Variants in GDAP1 observed in about 807,000 individuals in gnomAD.
GDAP1 encodes ganglioside induced differentiation associated protein 1, also known as ganglioside-induced differentiation-associated protein 1.
Under a neutral mutation model 40.1 loss-of-function variants are expected in GDAP1, and 34 were observed. The ratio of observed to expected loss-of-function variants is 0.85; its 90% CI spans 0.64 to 1.13. The LOEUF is 1.13. GDAP1 is among the 50% of genes most tolerant of loss of function. The pLI, the probability that GDAP1 is intolerant of heterozygous loss-of-function variation, is 0.00. For synonymous variants in GDAP1, 170 were observed against 157.4 expected (o/e 1.08, Z -0.60); for missense variants, 374 against 433.7 (o/e 0.86, Z 1.22).
intron 2 of GDAP1, among the ~76,000 whole-genome samples, chr8:74,382,133 C>G (rs2131538315): frequency 6.6e-6 from 1 of 152,084 alleles, no homozygotes; most frequent in African/African-American, 2.4e-5. Context: ...AATCTGTTGC[C>G]TTTATTATTT....
chr8:74,398,611 A>G (rs1386017361), intron 2 of GDAP1, among the ~76,000 whole-genome samples: 1 of 152,230 alleles, frequency 6.6e-6, no homozygotes, highest in East Asian at 1.9e-4. Flanking sequence ...GAGAGAGGGC[A>G]TCCCTGTCTT....
intron 2 of GDAP1, among the ~76,000 whole-genome samples, chr8:74,428,525 G>T (rs1456987767): frequency 6.7e-6 from 1 of 148,742 alleles, no homozygotes; most frequent in Non-Finnish European, 1.5e-5. Context: ...GCAGAGCAGT[G>T]TCATGATCTC....
intron 2 of GDAP1, among the ~76,000 whole-genome samples, chr8:74,470,089 A>G (rs1209004185): frequency 6.6e-6 from 1 of 152,088 alleles, no homozygotes; most frequent in Non-Finnish European, 1.5e-5. Flanking sequence ...TTATATTGAT[A>G]TTACTCTGTT....
intron 2 of GDAP1, among the ~76,000 whole-genome samples, chr8:74,432,472 CCAACTTCCT>C (rs1443570996): frequency 6.6e-6 from 1 of 152,090 alleles, no homozygotes; most frequent in African/African-American, 2.4e-5. Context: ...TAAATAAAAC[CCAACTTCCT>C]CAGTTTGGTA....
chr8:74,443,588 C>T (rs1287018670), intron 2 of GDAP1, among the ~76,000 whole-genome samples: 2 of 152,126 alleles, frequency 1.3e-5, no homozygotes, highest in Non-Finnish European at 1.5e-5. Context: ...ATTGCTTGAG[C>T]TCTGGAGTTG....
At chr8:74,386,998 T>G (rs767478264) in intron 2 of GDAP1, among the ~76,000 whole-genome samples, 3 of 152,218 alleles carry the variant, frequency 2.0e-5, no homozygotes, top group Non-Finnish European at 2.9e-5. Flanking sequence ...TATTAGTGTA[T>G]AGGAATGCTT....
intron 2 of GDAP1, among the ~76,000 whole-genome samples, chr8:74,479,306 A>C (rs1806676722): frequency 6.6e-6 from 1 of 152,188 alleles, no homozygotes; most frequent in Non-Finnish European, 1.5e-5. Flanking sequence ...TTTAAGGCAG[A>C]TAGTTCAATA....
intron 2 of GDAP1, among the ~76,000 whole-genome samples, chr8:74,418,511 G>A (rs1805813673): frequency 6.6e-6 from 1 of 152,184 alleles, no homozygotes; most frequent in Non-Finnish European, 1.5e-5. Context: ...TAAATCTAAT[G>A]CTTTGAAAAA....
intron 2 of GDAP1, among the ~76,000 whole-genome samples, chr8:74,481,383 A>G (rs1806709211): frequency 6.6e-6 from 1 of 152,220 alleles, no homozygotes; most frequent in East Asian, 1.9e-4. Context: ...TAGTATATAG[A>G]CAATATATCA....
In GDAP1 at chr8:74,468,522, CACAT is replaced by C. The variant is rs1267519937; in HGVS notation, c.166-20155_166-20152del. ...ACACACACACACACACACACACACACACATGAATGTGTATATATACACACACACA... is the reference window on the plus strand; with the variant it reads ...ACACACACACACACACACACACACACGAATGTGTATATATACACACACACA... On this transcript the variant is annotated intron_variant, in intron 2 of 2. Coordinates refer to the GDAP1 transcript ENST00000523640. 1.7e-3 allele frequency among the ~76,000 whole-genome samples: 227 copies of C among 132,342 alleles called. 3 individuals carry two copies. The highest frequency in any genetic ancestry group is 0.012 in the Middle Eastern group (3 of 260). 86.8% of individuals were successfully genotyped at this position (132,342 alleles called of 152,430 possible).
At chr8:74,458,937 C>G (rs1437145568) in intron 2 of GDAP1, among the ~76,000 whole-genome samples, 1 of 152,210 alleles carries the variant, frequency 6.6e-6, no homozygotes, top group East Asian at 1.9e-4. Context: ...CCTCCAGACA[C>G]CCTGCTGATA....
chr8:74,363,909 T>G, intron 5 of GDAP1, 76 bp from the exon 6 acceptor site: 18 of 1,257,784 alleles, frequency 1.4e-5, no homozygotes, highest in Non-Finnish European at 2.1e-5. Flanking sequence ...CCCTTAAGGG[T>G]GAGACCACTG....
chr8:74,443,539 G>T (rs1029330572), intron 2 of GDAP1, among the ~76,000 whole-genome samples: 4 of 152,158 alleles, frequency 2.6e-5, no homozygotes, highest in Admixed American at 1.3e-4. Flanking sequence ...AGCTACTGAG[G>T]ACTACTTCCT....
chr8:74,458,441 C>G (rs1016906971), intron 2 of GDAP1, among the ~76,000 whole-genome samples: 18 of 152,282 alleles, frequency 1.2e-4, no homozygotes, highest in Admixed American at 4.6e-4. Flanking sequence ...CATGGATACA[C>G]TTCTTCAGTA....
At chr8:74,387,351 TTC>T (rs1487750759) in intron 2 of GDAP1, among the ~76,000 whole-genome samples, 1 of 152,234 alleles carries the variant, frequency 6.6e-6, no homozygotes, top group Non-Finnish European at 1.5e-5. Flanking sequence ...TTGAGATAGG[TTC>T]CATCAATGCC....
downstream of GDAP1, among the ~76,000 whole-genome samples, chr8:74,369,329 A>G (rs944812843): frequency 4.6e-5 from 7 of 152,248 alleles, no homozygotes; most frequent in African/African-American, 1.7e-4. Context: ...GATTTAGCAA[A>G]TACTTTAAAG....
chr8:74,398,556 A>G (rs542654401), intron 2 of GDAP1, among the ~76,000 whole-genome samples: 143 of 152,242 alleles, frequency 9.4e-4, no homozygotes, highest in African/African-American at 3.3e-3. Flanking sequence ...TTCTTGCCTA[A>G]TTGCCCTGGC....
chr8:74,444,140 G>A (rs1335159986), intron 2 of GDAP1, among the ~76,000 whole-genome samples: 1 of 151,070 alleles, frequency 6.6e-6, no homozygotes, highest in Non-Finnish European at 1.5e-5. Flanking sequence ...GATGAAAACA[G>A]CCAACTGTCC....
intron 3 of GDAP1, among the ~76,000 whole-genome samples, chr8:74,361,253 A>G (rs940737243): frequency 5.3e-5 from 8 of 152,120 alleles, no homozygotes; most frequent in Non-Finnish European, 8.8e-5. Flanking sequence ...CTCCCTTCAT[A>G]TAGGAGTTCA....
Sources: gnomAD v4.1 joint callset for allele counts (sites outside exome capture counted in the v4.1 genomes callset) on GRCh38, gnomAD v4.1.1 for gene constraint, MANE v1.5 for transcripts, NCBI Gene and HGNC (gene_info 2026-07-23, HGNC 2026-07-21) for gene names.